Variants in GABBR2 observed in about 807,000 individuals in gnomAD.
GABBR2 encodes gamma-aminobutyric acid type B receptor subunit 2, also known as G-protein coupled receptor 51.
GABBR2 carries 23 observed loss-of-function variants against 105.6 expected under a neutral mutation model. The observed-to-expected ratio is 0.22, with a 90% CI of 0.16 to 0.31. The LOEUF (loss-of-function observed/expected upper bound fraction) is 0.31. GABBR2 is among the 10% of genes least tolerant of loss of function. The pLI, the probability that GABBR2 is intolerant of heterozygous loss-of-function variation, is 1.00. For missense variants in GABBR2, 734 were observed against 1,245.5 expected (o/e 0.59, Z 6.18); for synonymous variants, 478 against 499.7 (o/e 0.96, Z 0.58).
chr9:98,453,454 A>T (rs760861988), intron 7 of GABBR2, among the ~76,000 whole-genome samples: 23 of 152,376 alleles, frequency 1.5e-4, no homozygotes, highest in Middle Eastern at 3.4e-3. Context: ...AGACAGAAAG[A>T]TGGTCACCAA....
In GABBR2 at chr9:98,698,884, C is replaced by T. The variant is rs543012396; in HGVS notation, c.321+9533G>A. 2.4e-4 allele frequency among the ~76,000 whole-genome samples: 37 copies of T among 152,246 alleles called. No individual in the cohort carries two copies. The South Asian group carries it at 7.5e-3, about 31-fold the overall frequency. On this transcript the variant is annotated intron_variant, in intron 1 of 18. Transcript: ENST00000259455. ...ACGGTCCCTTTCAAGCTGAGCATAC[C>T]CAGTTCCTGAGTTAGTCCTGGCCAT...
chr9:98,474,583 T>A (rs1826749948), intron 5 of GABBR2, among the ~76,000 whole-genome samples: 1 of 152,168 alleles, frequency 6.6e-6, no homozygotes, highest in Admixed American at 6.5e-5. Context: ...AATCCTTCCG[T>A]TCAATCCTGG....
chr9:98,390,375 C>CAAAAA (rs61216428), intron 9 of GABBR2, among the ~76,000 whole-genome samples: 4 of 32,436 alleles, frequency 1.2e-4, no homozygotes, highest in Non-Finnish European at 1.9e-4. Flanking sequence ...CTCCATCTCA[C>CAAAAA]AAAAAAAAAA....
Position 98,519,111 on chromosome 9 carries a change from C to T in GABBR2, c.631-22597G>A, listed in dbSNP as rs766607074. ...GGCACCAAGATTACTGTTATTGCTGCGGCTTGTTAATCTGTCCATCTGCCC... is the reference window on the plus strand; with the variant it reads ...GGCACCAAGATTACTGTTATTGCTGTGGCTTGTTAATCTGTCCATCTGCCC... On this transcript the variant is annotated intron_variant, in intron 3 of 18. Coordinates refer to ENST00000259455, the MANE Select transcript of GABBR2 (RefSeq NM_005458.8). Among the ~76,000 whole-genome samples the T allele has an allele frequency of 6.6e-5, 10 of 152,304 alleles. No individual in the cohort carries two copies. The East Asian group carries it at 1.2e-3, about 18-fold the overall frequency.
chr9:98,537,047 G>A (rs909249929), intron 3 of GABBR2, among the ~76,000 whole-genome samples: 1 of 152,154 alleles, frequency 6.6e-6, no homozygotes, highest in African/African-American at 2.4e-5. Flanking sequence ...CAATTACGCA[G>A]GACGTGAGTT....
chr9:98,442,319 G>T (rs1826046420), intron 7 of GABBR2, among the ~76,000 whole-genome samples: 1 of 152,202 alleles, frequency 6.6e-6, no homozygotes, highest in Admixed American at 6.5e-5. Flanking sequence ...GGAAACTGGG[G>T]TGGTGGGAAG....
chr9:98,507,793 C>T (rs922623600), intron 3 of GABBR2, among the ~76,000 whole-genome samples: 1 of 152,194 alleles, frequency 6.6e-6, no homozygotes, highest in Non-Finnish European at 1.5e-5. Flanking sequence ...ATATCTCACA[C>T]ACCTTCCATC....
At chr9:98,549,993 A>G (rs910385234) in intron 2 of GABBR2, among the ~76,000 whole-genome samples, 1 of 152,204 alleles carries the variant, frequency 6.6e-6, no homozygotes, top group African/African-American at 2.4e-5. Flanking sequence ...AGAATTAAGC[A>G]CTATGAGTGG....
chr9:98,620,985 G>A (rs1829662329), intron 1 of GABBR2, among the ~76,000 whole-genome samples: 1 of 152,118 alleles, frequency 6.6e-6, no homozygotes, highest in African/African-American at 2.4e-5. Flanking sequence ...ACAACGGCAG[G>A]CACAGCAATG....
At position 98,529,335 on chromosome 9, in the gene GABBR2, G is replaced by A. The variant is rs1429997775; in HGVS notation, c.630+12538C>T. Among the ~76,000 whole-genome samples, 3 of 152,228 alleles carry A rather than the reference G, an allele frequency of 2.0e-5. 1 individual carries two copies. The highest frequency in any genetic ancestry group is 3.9e-4 in the East Asian group (2 of 5,194). The stretch of plus-strand genomic sequence containing the variant: ...ATGGCACAGATTGGGGTCAAGTCAA[G>A]AAGCACTGTAGCCATTAGGAGTCAC... On this transcript the variant is annotated intron_variant, in intron 3 of 18. Transcript: ENST00000259455.
intron 13 of GABBR2, among the ~76,000 whole-genome samples, chr9:98,325,231 T>C (rs1041259516): frequency 1.3e-5 from 2 of 151,484 alleles, no homozygotes; most frequent in Non-Finnish European, 2.9e-5. Flanking sequence ...CTTTTTCCAC[T>C]GTCCCAGGAT....
At chr9:98,492,359 A>AAAAAAAAAAAAAAAAAAAAAAAAC (rs1827194715) in intron 4 of GABBR2, among the ~76,000 whole-genome samples, 1 of 146,076 alleles carries the variant, frequency 6.8e-6, no homozygotes, top group Non-Finnish European at 1.5e-5. Flanking sequence ...TAAAAAAAAA[A>AAAAAAAAAAAAAAAAAAAAAAAAC]AAAAAAAAAA....
chr9:98,301,335 G>A (rs964186210), intron 16 of GABBR2, among the ~76,000 whole-genome samples: 1 of 152,242 alleles, frequency 6.6e-6, no homozygotes, highest in Non-Finnish European at 1.5e-5. Flanking sequence ...CCCAGCGGGT[G>A]CCTGCTGCTC....
At chr9:98,627,034 G>C (rs961198115) in intron 1 of GABBR2, among the ~76,000 whole-genome samples, 3 of 152,196 alleles carry the variant, frequency 2.0e-5, no homozygotes, top group African/African-American at 7.2e-5. Flanking sequence ...ATGCTTTTCA[G>C]ATGCTGCCTG....
intron 1 of GABBR2, among the ~76,000 whole-genome samples, chr9:98,706,107 AAC>A (rs113967867): frequency 5.2e-3 from 141 of 26,992 alleles, no homozygotes; most frequent in African/African-American, 0.017. Context: ...AAACAAAAAA[AAC>A]AAAAAAAAAA....
intron 2 of GABBR2, 129 bp from the exon 3 acceptor site, chr9:98,542,172 A>G: frequency 1.4e-6 from 1 of 727,674 alleles, no homozygotes; most frequent in Non-Finnish European, 2.2e-6. Flanking sequence ...AGATATTTTT[A>G]AAACTTTTTT....
At position 98,388,579 on chromosome 9, in the gene GABBR2, C is replaced by T. The variant is rs960291812; in HGVS notation, c.1529+275G>A. Among the ~76,000 whole-genome samples the T allele has an allele frequency of 4.6e-5, 7 of 151,814 alleles. No homozygotes were observed. The highest frequency in any genetic ancestry group is 2.6e-4 in the Admixed American group (4 of 15,244). On this transcript the variant is annotated intron_variant, in intron 10 of 18. Transcript: ENST00000259455. This position sits in a 1 kb window ranked among gnomAD's most constrained non-coding sequence, Gnocchi z 4.4. ...TTCGATTTTATTTAACTTCCTCAAA[C>T]TTATTTGACTAAACTCCTGTGCAAC...
intron 2 of GABBR2, among the ~76,000 whole-genome samples, chr9:98,546,285 T>C (rs1423263276): frequency 6.6e-6 from 1 of 152,238 alleles, no homozygotes; most frequent in East Asian, 1.9e-4. Flanking sequence ...TTTGTATTTT[T>C]GTTTACTTGA....
chr9:98,337,399 T>C (rs2131400598), intron 13 of GABBR2, among the ~76,000 whole-genome samples: 1 of 152,322 alleles, frequency 6.6e-6, no homozygotes, highest in Middle Eastern at 3.4e-3. Flanking sequence ...ATTCTTAAGA[T>C]GGCAATACTC....
Sources: allele counts gnomAD v4.1 joint callset (sites outside exome capture counted in the v4.1 genomes callset), GRCh38; gene constraint gnomAD v4.1.1; non-coding constraint Gnocchi (gnomAD v3.1); transcripts MANE v1.5; gene names NCBI Gene and HGNC (gene_info 2026-07-23, HGNC 2026-07-21).